The following RGS7 variants were observed in gnomAD, a reference collection of about 807,000 sequenced individuals.
The protein encoded by RGS7 is regulator of G protein signaling 7.
A neutral mutation model predicts 81.1 loss-of-function variants in RGS7; 27 were observed. The observed-to-expected ratio is 0.33, with a 90% CI of 0.25 to 0.46. The LOEUF (loss-of-function observed/expected upper bound fraction) is 0.46, where lower values mean the gene tolerates loss of function less well. Ranked by LOEUF, RGS7 falls within the 20% of genes least tolerant of loss-of-function variation. The pLI is 1.00. For missense variants in RGS7, 396 were observed against 607.4 expected, an observed-to-expected ratio of 0.65 and a Z score of 3.66; for synonymous variants, 208 against 207.7, an observed-to-expected ratio of 1.00 and a Z score of -0.01.
intron 2 of RGS7, among the ~76,000 whole-genome samples, chr1:241,325,255 A>T (rs1478796109): frequency 6.6e-6 from 1 of 152,206 alleles, no homozygotes; most frequent in East Asian, 1.9e-4. Flanking sequence ...AGATGAAATT[A>T]GATATAAGGG....
At chr1:241,165,746 A>G (rs563481805) in intron 2 of RGS7, among the ~76,000 whole-genome samples, 8 of 151,708 alleles carry the variant, frequency 5.3e-5, no homozygotes, top group Non-Finnish European at 1.0e-4. Context: ...TAACCTGAAC[A>G]TTGTGCACAT....
chr1:240,898,347 C>A (rs1283217946), intron 6 of RGS7, among the ~76,000 whole-genome samples: 3 of 152,120 alleles, frequency 2.0e-5, no homozygotes, highest in Non-Finnish European at 4.4e-5. Context: ...TTTGCTCTTG[C>A]TTCTCTAGTT....
intron 3 of RGS7, among the ~76,000 whole-genome samples, chr1:241,038,705 G>T (rs2060452806): frequency 6.6e-6 from 1 of 152,162 alleles, no homozygotes; most frequent in Non-Finnish European, 1.5e-5. Context: ...AATGAACGTA[G>T]GGTAGCCAGC....
chr1:241,163,219 T>C lies in RGS7; in HGVS notation c.79-64457A>G, dbSNP rs1180964063. ...AGACTTGGCAGTGACCTCCTAACTT[T>C]ATCAGTGAAAAGAAGGTGATTTCAC... On this transcript the variant is annotated intron_variant, in intron 2 of 18. Coordinates refer to ENST00000440928, the MANE Select transcript of RGS7 (RefSeq NM_001364886.1). This position sits in a 1 kb window ranked among gnomAD's most constrained non-coding sequence, Gnocchi z 4.6. Among the ~76,000 whole-genome samples the C allele has an allele frequency of 6.6e-6, 1 of 152,274 alleles. No homozygotes were observed. Among genetic ancestry groups the C allele is most frequent in the East Asian group, 1.9e-4 (1 of 5,182 alleles).
rs551167837 is a variant in RGS7 at position 240,966,266 on chromosome 1, C to A, written c.226+16813G>T. ...AGATTATTTGCAGGATGTCATGACA[C>A]TTTACAATGGCTTAAATTTTTGAAA... On this transcript the variant is annotated intron_variant, in intron 4 of 18. Transcript: ENST00000440928. Among the ~76,000 whole-genome samples the A allele has an allele frequency of 9.2e-5, 14 of 152,118 alleles. No individual in the cohort carries two copies. In the East Asian group the frequency reaches 2.5e-3, roughly 27 times the overall value.
chr1:240,842,636 G>T (rs375718758), intron 9 of RGS7, among the ~76,000 whole-genome samples: 29 of 152,092 alleles, frequency 1.9e-4, no homozygotes, highest in African/African-American at 6.7e-4. Context: ...TTTTGGGGGG[G>T]GAATAAATAT....
intron 3 of RGS7, among the ~76,000 whole-genome samples, chr1:241,001,718 G>A (rs1451854676): frequency 1.3e-5 from 2 of 152,136 alleles, no homozygotes; most frequent in Non-Finnish European, 2.9e-5. Context: ...CCAACAATGC[G>A]ACTTTGTGGA....
rs193059799 is a variant in RGS7 at position 241,152,596 on chromosome 1, G to T, written c.79-53834C>A. ...AATATTTAGTCATGCTCCTCGTCAGGTACTTCTGGCTCTCTATGATGTGGA... is the reference window on the plus strand; with the variant it reads ...AATATTTAGTCATGCTCCTCGTCAGTTACTTCTGGCTCTCTATGATGTGGA... On this transcript the variant is annotated intron_variant, in intron 2 of 18. Transcript: ENST00000440928. Among the ~76,000 whole-genome samples, 384 of 152,304 alleles carry T rather than the reference G, an allele frequency of 2.5e-3. 1 individual carries two copies. Among genetic ancestry groups the T allele is most frequent in the Admixed American group, 4.4e-3 (68 of 15,306 alleles).
rs559254369 is a variant in RGS7 at position 241,141,571 on chromosome 1, G to A, written c.79-42809C>T. On this transcript the variant is annotated intron_variant, in intron 2 of 18. Coordinates refer to ENST00000440928, the MANE Select transcript of RGS7 (RefSeq NM_001364886.1). ...CATCTTCCTCATAGGGTGGCAGGAC[G>A]GAGTGAGTGTCAAGCAAAGGCGGAA... Among the ~76,000 whole-genome samples, 174 of 152,286 alleles carry A rather than the reference G, an allele frequency of 1.1e-3. 1 individual carries two copies. The highest frequency in any genetic ancestry group is 4.0e-3 in the African/African-American group (168 of 41,546).
At chr1:241,239,628 C>T (rs1349755991) in intron 2 of RGS7, among the ~76,000 whole-genome samples, 1 of 152,226 alleles carries the variant, frequency 6.6e-6, no homozygotes, top group East Asian at 1.9e-4. Flanking sequence ...TTTTACTCTC[C>T]ACTCCTTACC....
Position 240,882,373 on chromosome 1 carries a change from G to T in RGS7, c.386-12254C>A, listed in dbSNP as rs182589300. On this transcript the variant is annotated intron_variant, in intron 6 of 18. Coordinates refer to ENST00000440928, the MANE Select transcript of RGS7 (RefSeq NM_001364886.1). ...AAAGGAAAGGGAAATGTCATTGAACGATTCTACCATGAGCCTACTTACAAT... is the reference window on the plus strand; with the variant it reads ...AAAGGAAAGGGAAATGTCATTGAACTATTCTACCATGAGCCTACTTACAAT... 5.5e-4 allele frequency among the ~76,000 whole-genome samples: 84 copies of T among 152,258 alleles called. 3 individuals carry two copies. Among genetic ancestry groups the T allele is most frequent in the Admixed American group, 4.4e-3 (68 of 15,288 alleles).
intron 6 of RGS7, among the ~76,000 whole-genome samples, chr1:240,885,853 C>T (rs1159001593): frequency 1.3e-5 from 2 of 152,076 alleles, no homozygotes; most frequent in East Asian, 1.9e-4. Flanking sequence ...CCCTGTGACA[C>T]GAGTTTATCT....
chr1:240,890,174 G>A (rs1384932216), intron 6 of RGS7, among the ~76,000 whole-genome samples: 1 of 151,690 alleles, frequency 6.6e-6, no homozygotes, highest in Admixed American at 6.6e-5. Flanking sequence ...TTTTTTTTGA[G>A]ACGGAGTCTC....
chr1:241,290,464 C>G (rs1372528298), intron 2 of RGS7, among the ~76,000 whole-genome samples: 5 of 152,218 alleles, frequency 3.3e-5, no homozygotes, highest in Admixed American at 3.3e-4. Context: ...ATCCCACTAT[C>G]TCAGAGTACA....
intron 3 of RGS7, among the ~76,000 whole-genome samples, chr1:241,016,305 G>C (rs114982165): frequency 6.6e-6 from 1 of 152,100 alleles, no homozygotes; most frequent in Admixed American, 6.6e-5. Flanking sequence ...TGATTATGAG[G>C]TCAAGAGAAC....
chr1:241,213,202 T>G (rs144524950), intron 2 of RGS7, among the ~76,000 whole-genome samples: 2 of 152,348 alleles, frequency 1.3e-5, no homozygotes, highest in African/African-American at 4.8e-5. Flanking sequence ...TCCTTGGGTA[T>G]GAGACTTTGT....
At chr1:240,813,071 G>A (rs1017926245) in intron 13 of RGS7, among the ~76,000 whole-genome samples, 1 of 152,144 alleles carries the variant, frequency 6.6e-6, no homozygotes, top group Non-Finnish European at 1.5e-5. Context: ...ATCCTCTTAT[G>A]AGTCTGTTAA....
intron 3 of RGS7, among the ~76,000 whole-genome samples, chr1:240,988,306 T>C (rs1395244162): frequency 6.6e-6 from 1 of 151,612 alleles, no homozygotes; most frequent in Non-Finnish European, 1.5e-5. Flanking sequence ...ATTATAATTT[T>C]AACTCAATTT....
intron 2 of RGS7, among the ~76,000 whole-genome samples, chr1:241,182,485 A>G (rs2071706932): frequency 6.6e-6 from 1 of 152,148 alleles, no homozygotes; most frequent in Non-Finnish European, 1.5e-5. Context: ...AATGTTTTCT[A>G]AATGATAATT....
Sources: gnomAD v4.1 joint callset for allele counts (sites outside exome capture counted in the v4.1 genomes callset) on GRCh38, gnomAD v4.1.1 for gene constraint, Gnocchi (gnomAD v3.1) non-coding constraint, MANE v1.5 for transcripts, NCBI Gene and HGNC (gene_info 2026-07-23, HGNC 2026-07-21) for gene names.